The following ANKRD44 variants were observed in gnomAD, a reference collection of about 807,000 sequenced individuals.
ANKRD44 encodes serine/threonine-protein phosphatase 6 regulatory ankyrin repeat subunit B.
In ANKRD44, 35 loss-of-function variants were observed where a neutral mutation model predicts 116.0. That is an observed-to-expected ratio of 0.30 (90% confidence interval 0.23 to 0.40). ANKRD44 has a LOEUF of 0.40. Among genes scored for constraint, ANKRD44 ranks in the 10% least tolerant of loss-of-function variants. The pLI, the probability that ANKRD44 is intolerant of heterozygous loss-of-function variation, is 1.00. For synonymous variants in ANKRD44, 435 were observed against 461.8 expected, an observed-to-expected ratio of 0.94 and a Z score of 0.74; for missense variants, 1,014 against 1,242.6, an observed-to-expected ratio of 0.82 and a Z score of 2.77.
chr2:196,971,082 A>G (rs2075712338), intron 21 of ANKRD44, among the ~76,000 whole-genome samples: 1 of 152,136 alleles, frequency 6.6e-6, no homozygotes, highest in African/African-American at 2.4e-5. Context: ...TTTTGCATAT[A>G]AACCAATTTT....
At chr2:197,175,669 G>A (rs1195359617) in intron 2 of ANKRD44, among the ~76,000 whole-genome samples, 1 of 152,154 alleles carries the variant, frequency 6.6e-6, no homozygotes, top group Non-Finnish European at 1.5e-5. Flanking sequence ...GCTTTTTGGA[G>A]TTAACATAAA....
At chr2:197,153,582 AC>A (rs1230339299) in intron 2 of ANKRD44, among the ~76,000 whole-genome samples, 3 of 152,174 alleles carry the variant, frequency 2.0e-5, no homozygotes, top group Non-Finnish European at 4.4e-5. Flanking sequence ...AAAGAGAAAG[AC>A]AGAAAACAAA....
At chr2:197,144,564 T>G (rs2125420587) in intron 3 of ANKRD44, among the ~76,000 whole-genome samples, 1 of 152,288 alleles carries the variant, frequency 6.6e-6, no homozygotes, top group African/African-American at 2.4e-5. Context: ...AAAAGAAAAC[T>G]TTCCCAATGC....
chr2:197,060,093 C>T (rs2077278988), intron 16 of ANKRD44, among the ~76,000 whole-genome samples: 2 of 152,194 alleles, frequency 1.3e-5, no homozygotes, highest in South Asian at 4.1e-4. Context: ...TGTACCTCTT[C>T]TAGGACATCA....
At chr2:197,310,074 C>A (rs1574492524) in intron 1 of ANKRD44, among the ~76,000 whole-genome samples, 1 of 152,310 alleles carries the variant, frequency 6.6e-6, no homozygotes, top group East Asian at 1.9e-4. Flanking sequence ...AAGAGGAAGT[C>A]GGATGTCACA....
At position 197,110,732 on chromosome 2, in the gene ANKRD44, C is replaced by A. The variant is rs539041117; in HGVS notation, c.985+34G>T. The A allele has an allele frequency of 2.5e-6, 4 of 1,573,922 alleles. No homozygotes were observed. The South Asian group carries it at 4.4e-5, about 17-fold the overall frequency. On this transcript the variant is annotated intron_variant, in intron 9 of 27. Coordinates refer to ENST00000282272, the MANE Select transcript of ANKRD44 (RefSeq NM_001195144.2). ...AGCCAAATTCACAACAAGAAACTAT[C>A]GAAATAATGACACTACTGAAGCATC... is the stretch of plus-strand genomic sequence containing the variant.
At chr2:197,240,340 A>C (rs916192389) in intron 1 of ANKRD44, among the ~76,000 whole-genome samples, 1 of 143,014 alleles carries the variant, frequency 7.0e-6, no homozygotes, top group African/African-American at 2.7e-5. Flanking sequence ...GCACCACTGC[A>C]CTCTAGTCTG....
At chr2:197,308,171 AC>A (rs67485215) in intron 1 of ANKRD44, among the ~76,000 whole-genome samples, 36,734 of 140,524 alleles carry the variant, frequency 0.26, 5,293 homozygotes, top group East Asian at 0.41. Flanking sequence ...ACACACACAC[AC>A]AAAAAAAAAA....
At chr2:197,303,045 CA>C (rs2105916935) in intron 1 of ANKRD44, among the ~76,000 whole-genome samples, 1 of 152,302 alleles carries the variant, frequency 6.6e-6, no homozygotes, top group South Asian at 2.1e-4. Context: ...AGAACAGCCC[CA>C]GGGGTTCTGT....
intron 1 of ANKRD44, among the ~76,000 whole-genome samples, chr2:197,280,043 T>G (rs2083218295): frequency 6.6e-6 from 1 of 152,224 alleles, no homozygotes; most frequent in Non-Finnish European, 1.5e-5. Flanking sequence ...TTAAACCACC[T>G]TATCTCTCTC....
chr2:197,249,520 C>T (rs879889070), intron 1 of ANKRD44, among the ~76,000 whole-genome samples: 1 of 152,204 alleles, frequency 6.6e-6, no homozygotes, highest in Admixed American at 6.5e-5. Context: ...AAATACACAA[C>T]ATCTTATTTA....
chr2:196,969,469 T>C (rs1470156790), intron 21 of ANKRD44, among the ~76,000 whole-genome samples: 1 of 152,148 alleles, frequency 6.6e-6, no homozygotes, highest in East Asian at 1.9e-4. Flanking sequence ...AAATCCAGAA[T>C]TTGACAAACA....
chr2:197,005,525 G>A (rs2076185986), intron 21 of ANKRD44, among the ~76,000 whole-genome samples, 169 bp downstream of exon 21: 1 of 151,958 alleles, frequency 6.6e-6, no homozygotes, highest in Admixed American at 6.6e-5. Context: ...GCTGTGGAGG[G>A]GTGAGAACTA....
chr2:197,068,333 C>A, intron 16 of ANKRD44, among the ~76,000 whole-genome samples: 1 of 127,418 alleles, frequency 7.8e-6, no homozygotes, highest in Non-Finnish European at 1.6e-5. Context: ...GCACAATGTG[C>A]ACATGTACCC....
At position 197,121,503 on chromosome 2, in the gene ANKRD44, G is replaced by A. The variant is rs750775214; in HGVS notation, c.735C>T (p.Ile245=). 1.9e-5 allele frequency: 30 copies of A among 1,614,060 alleles called. No individual in the cohort carries two copies. The highest frequency in any genetic ancestry group is 2.5e-5 in the Non-Finnish European group (29 of 1,180,034). ...CAGCATCCTGTCCATTGTAGCAGGCGATGTGAAGCGCTGTATTTCCATAGA... is the reference window on the plus strand; with the variant it reads ...CAGCATCCTGTCCATTGTAGCAGGCAATGTGAAGCGCTGTATTTCCATAGA... ...INVYGNTALH[I]ACYNGQDAVV... Residue 245 remains isoleucine, a synonymous_variant, in exon 8 of 28, where the codon ATC becomes ATT. Coordinates refer to ENST00000282272, the MANE Select transcript of ANKRD44 (RefSeq NM_001195144.2).
intron 16 of ANKRD44, among the ~76,000 whole-genome samples, chr2:197,059,697 T>C (rs1405648267): frequency 1.3e-5 from 2 of 152,210 alleles, no homozygotes; most frequent in African/African-American, 4.8e-5. Context: ...TGCTCCCAGA[T>C]GGTGATGTGA....
At chr2:197,213,496 A>G (rs570600758) in intron 1 of ANKRD44, among the ~76,000 whole-genome samples, 1 of 152,200 alleles carries the variant, frequency 6.6e-6, no homozygotes, top group East Asian at 1.9e-4. Flanking sequence ...CTAAAATAAA[A>G]CCAACTCATT....
chr2:197,159,254 T>C (rs2712879), intron 2 of ANKRD44, among the ~76,000 whole-genome samples: 139,291 of 152,244 alleles, frequency 0.91, 64,922 homozygotes, highest in East Asian at 1. Flanking sequence ...AACCTCCAGG[T>C]GGATATTTTA....
At chr2:196,990,558 C>T (rs531211109) in intron 27 of ANKRD44, 395 of 1,230,136 alleles carry the variant, frequency 3.2e-4, no homozygotes, top group Non-Finnish European at 3.8e-4. Context: ...TTAATTCCTT[C>T]TCTACTAGCT....
Sources: allele counts gnomAD v4.1 joint callset (sites outside exome capture counted in the v4.1 genomes callset), GRCh38; gene constraint gnomAD v4.1.1; transcripts MANE v1.5; gene names NCBI Gene and HGNC (gene_info 2026-07-23, HGNC 2026-07-21).